Variants in EXOC4 observed in about 807,000 individuals in gnomAD.
The protein encoded by EXOC4 is SEC8-like 1.
Under a neutral mutation model 107.2 loss-of-function variants are expected in EXOC4, and 71 were observed. That is an observed-to-expected ratio of 0.66 (90% CI 0.55 to 0.81). The LOEUF (loss-of-function observed/expected upper bound fraction) is 0.81, where lower values mean the gene tolerates loss of function less well. EXOC4 is among the 30% of genes least tolerant of loss of function. The pLI, the probability that EXOC4 is intolerant of heterozygous loss-of-function variation, is 0.00. For synonymous variants in EXOC4, 456 were observed against 441.2 expected (o/e 1.03, Z -0.42); for missense variants, 1,108 against 1,189.6 (o/e 0.93, Z 1.01).
At chr7:133,413,433 GTCTT>G (rs1406499203) in intron 7 of EXOC4, among the ~76,000 whole-genome samples, 1 of 152,116 alleles carries the variant, frequency 6.6e-6, no homozygotes, top group Non-Finnish European at 1.5e-5. Context: ...GCTATAGATG[GTCTT>G]TCTTTAGTCT....
chr7:133,841,735 T>G (rs138976483), intron 11 of EXOC4, among the ~76,000 whole-genome samples: 86 of 152,234 alleles, frequency 5.6e-4, no homozygotes, highest in Middle Eastern at 3.4e-3. Flanking sequence ...GTTGCAGGGG[T>G]TTGATATACA....
chr7:133,516,758 A>ATTTGTTTTTTTTTTTTTTTT (rs1799883228), intron 9 of EXOC4, among the ~76,000 whole-genome samples: 2 of 49,032 alleles, frequency 4.1e-5, no homozygotes. Flanking sequence ...CTAGCTGCTC[A>ATTTGTTTTTTTTTTTTTTTT]TTTTTTTTTT....
chr7:133,484,036 G>T, intron 9 of EXOC4: 2 of 1,613,976 alleles, frequency 1.2e-6, no homozygotes. Flanking sequence ...TCCTTCCGTT[G>T]CAGGGTAGCG....
chr7:133,408,699 C>T (rs1279528822), intron 7 of EXOC4, among the ~76,000 whole-genome samples: 1 of 152,112 alleles, frequency 6.6e-6, no homozygotes, highest in Non-Finnish European at 1.5e-5. Flanking sequence ...TATTAAGTGG[C>T]AGAGCTTGGA....
intron 9 of EXOC4, among the ~76,000 whole-genome samples, chr7:133,587,140 C>T (rs1801426741): frequency 6.6e-6 from 1 of 152,016 alleles, no homozygotes. Flanking sequence ...GGCCCTGATC[C>T]CATTTTTATT....
chr7:133,866,942 C>A (rs1232567673), intron 11 of EXOC4, among the ~76,000 whole-genome samples: 1 of 152,208 alleles, frequency 6.6e-6, no homozygotes, highest in African/African-American at 2.4e-5. Flanking sequence ...GAAATGGATT[C>A]TGTCCATCGT....
At chr7:133,889,244 A>G (rs1307682841) in intron 11 of EXOC4, among the ~76,000 whole-genome samples, 2 of 152,194 alleles carry the variant, frequency 1.3e-5, no homozygotes, top group Non-Finnish European at 2.9e-5. Flanking sequence ...GTGAGTGTCA[A>G]GAATTCCATG....
intron 9 of EXOC4, among the ~76,000 whole-genome samples, chr7:133,580,595 G>A (rs1347665889): frequency 2.6e-5 from 4 of 152,152 alleles, no homozygotes; most frequent in Non-Finnish European, 5.9e-5. Context: ...AAGTAAACTT[G>A]AAAATCCTTC....
At chr7:133,779,746 C>T (rs1031586188) in intron 10 of EXOC4, among the ~76,000 whole-genome samples, 1 of 152,044 alleles carries the variant, frequency 6.6e-6, no homozygotes, top group South Asian at 2.1e-4. Flanking sequence ...TAAAATAGAC[C>T]AATCAGCAGC....
chr7:134,079,704 C>G, the EXOC4 span, among the ~76,000 whole-genome samples: 1 of 152,194 alleles, frequency 6.6e-6, no homozygotes, highest in Non-Finnish European at 1.5e-5. Context: ...GATGCAGTGT[C>G]AGTTCCTCTG....
chr7:133,438,436 G>A (rs1031459493), intron 7 of EXOC4, among the ~76,000 whole-genome samples: 3 of 151,876 alleles, frequency 2.0e-5, no homozygotes, highest in Admixed American at 1.3e-4. Context: ...ATGTTCTTTC[G>A]ATTTAAATAT....
chr7:133,380,666 C>A (rs1224750090), intron 7 of EXOC4, among the ~76,000 whole-genome samples: 1 of 151,970 alleles, frequency 6.6e-6, no homozygotes, highest in Non-Finnish European at 1.5e-5. Flanking sequence ...AGAAAGTAGA[C>A]AAGATGAATT....
chr7:134,052,846 A>G (rs758997229), intron 17 of EXOC4, among the ~76,000 whole-genome samples: 6 of 152,172 alleles, frequency 3.9e-5, no homozygotes, highest in Non-Finnish European at 8.8e-5. Context: ...GAAAACACGG[A>G]TCTCTGTTGT....
At chr7:133,619,984 CTGTG>C (rs34442997) in intron 9 of EXOC4, among the ~76,000 whole-genome samples, 91,472 of 149,392 alleles carry the variant, frequency 0.61, 28,923 homozygotes, top group South Asian at 0.72. Flanking sequence ...TCCCTGTTTT[CTGTG>C]TGTGTGTGTG....
intron 15 of EXOC4, among the ~76,000 whole-genome samples, chr7:134,002,882 A>G (rs1794561922): frequency 7.8e-6 from 1 of 127,992 alleles, no homozygotes; most frequent in African/African-American, 3.0e-5. Flanking sequence ...AGTAAGCAAA[A>G]TGGTACAGCT....
intron 5 of EXOC4, among the ~76,000 whole-genome samples, chr7:133,346,881 A>G (rs766852778): frequency 3.3e-5 from 5 of 152,190 alleles, no homozygotes; most frequent in Non-Finnish European, 7.3e-5. Flanking sequence ...ATTGTCCTAT[A>G]TCTTAGTTAA....
chr7:133,882,171 G>A (rs1798980481), intron 11 of EXOC4, among the ~76,000 whole-genome samples: 1 of 152,170 alleles, frequency 6.6e-6, no homozygotes. Flanking sequence ...GTGAATTCTT[G>A]TGTTAACTGC....
intron 10 of EXOC4, among the ~76,000 whole-genome samples, chr7:133,730,877 G>C (rs1460778422): frequency 6.6e-6 from 1 of 152,140 alleles, no homozygotes; most frequent in Non-Finnish European, 1.5e-5. Flanking sequence ...GGTGAATGCT[G>C]TGGAAGACAG....
chr7:133,939,631 G>A (rs573296746), intron 14 of EXOC4, among the ~76,000 whole-genome samples: 5 of 152,202 alleles, frequency 3.3e-5, no homozygotes, highest in African/African-American at 1.2e-4. Flanking sequence ...CAAGTAGCTG[G>A]GACTACAAGC....
Sources: allele counts gnomAD v4.1 joint callset (sites outside exome capture counted in the v4.1 genomes callset), GRCh38; gene constraint gnomAD v4.1.1; transcripts MANE v1.5; gene names NCBI Gene and HGNC (gene_info 2026-07-23, HGNC 2026-07-21).